The following KCNIP4 variants were observed in gnomAD, a reference collection of about 807,000 sequenced individuals.
KCNIP4 encodes potassium voltage-gated channel interacting protein 4.
KCNIP4 carries 12 observed loss-of-function variants against 34.0 expected under a neutral mutation model. The observed-to-expected ratio is 0.35, with a 90% CI of 0.23 to 0.57. The LOEUF is 0.57. Ranked by LOEUF, KCNIP4 falls within the 20% of genes least tolerant of loss-of-function variation. The pLI, the probability that KCNIP4 is intolerant of heterozygous loss-of-function variation, is 0.83. For synonymous variants in KCNIP4, 124 were observed against 102.2 expected, an observed-to-expected ratio of 1.21 and a Z score of -1.29; for missense variants, 238 against 311.7, an observed-to-expected ratio of 0.76 and a Z score of 1.78.
chr4:20,854,310 A>G (rs111624437), intron 2 of KCNIP4, among the ~76,000 whole-genome samples: 2 of 152,228 alleles, frequency 1.3e-5, no homozygotes, highest in African/African-American at 4.8e-5. Context: ...CTACTCAGCC[A>G]CAAAAAGGAA....
intron 1 of KCNIP4, among the ~76,000 whole-genome samples, chr4:20,948,164 G>T (rs1395964433): frequency 2.6e-5 from 4 of 152,120 alleles, no homozygotes; most frequent in African/African-American, 9.7e-5. Context: ...TCCAGATTTG[G>T]ACCTTATTCA....
intron 1 of KCNIP4, among the ~76,000 whole-genome samples, chr4:21,081,516 A>C (rs1746000841): frequency 6.6e-6 from 1 of 151,736 alleles, no homozygotes; most frequent in African/African-American, 2.4e-5. Flanking sequence ...AACGGCCCCA[A>C]ATTTTGTTAA....
intron 1 of KCNIP4, among the ~76,000 whole-genome samples, chr4:21,018,434 C>A (rs1362311071): frequency 6.6e-6 from 1 of 152,292 alleles, no homozygotes; most frequent in East Asian, 1.9e-4. Flanking sequence ...GAATCTGGGT[C>A]GTGGCTCCTG....
In KCNIP4 at chr4:21,675,544, T is replaced by C. The variant is rs569421031; in HGVS notation, c.61+273027A>G. On this transcript the variant is annotated intron_variant, in intron 1 of 8. Coordinates refer to ENST00000382152, the MANE Select transcript of KCNIP4 (RefSeq NM_025221.6). ...TTCACATTGCATGCCTGTATCAAAA[T>C]ATCTTATGTATCTTATAAATGTATA... Among the ~76,000 whole-genome samples the C allele has an allele frequency of 2.0e-4, 30 of 152,292 alleles. No individual in the cohort carries two copies. The South Asian group carries it at 6.2e-3, about 32-fold the overall frequency.
intron 1 of KCNIP4, among the ~76,000 whole-genome samples, chr4:21,059,797 CATTT>C (rs1247259676): frequency 6.6e-6 from 1 of 152,040 alleles, no homozygotes; most frequent in Non-Finnish European, 1.5e-5. Context: ...TCATTTCATT[CATTT>C]ATCACTTTAG....
chr4:20,803,482 A>C (rs1252072344), intron 3 of KCNIP4, among the ~76,000 whole-genome samples: 2 of 43,136 alleles, frequency 4.6e-5, no homozygotes, highest in South Asian at 1.9e-3. Context: ...AAAAAAAAAA[A>C]AAAAAAAAAA....
chr4:21,310,902 A>G (rs942071456), intron 1 of KCNIP4, among the ~76,000 whole-genome samples: 2 of 152,208 alleles, frequency 1.3e-5, no homozygotes, highest in African/African-American at 2.4e-5. Context: ...TGCTGGGATT[A>G]CAGGAGTGAG....
rs186741633 is a variant in KCNIP4 at position 21,333,712 on chromosome 4, G to A, written c.62-451003C>T. 1.1e-3 allele frequency among the ~76,000 whole-genome samples: 162 copies of A among 151,844 alleles called. 1 individual carries two copies. Among genetic ancestry groups the A allele is most frequent in the Non-Finnish European group, 2.7e-4 (18 of 67,904 alleles). On this transcript the variant is annotated intron_variant, in intron 1 of 8. Transcript: ENST00000382152. ...AATTAAAAAGAAAAAAAAAGTCCAT[G>A]GCAATACATACTGGCATTCTGTCTT... is the stretch of plus-strand genomic sequence containing the variant.
At chr4:20,810,523 AG>A (rs1715616621) in intron 3 of KCNIP4, among the ~76,000 whole-genome samples, 1 of 152,184 alleles carries the variant, frequency 6.6e-6, no homozygotes, top group African/African-American at 2.4e-5. Context: ...CTGTATGAAA[AG>A]ATGACTATAG....
Position 21,355,971 on chromosome 4 carries a change from A to G in KCNIP4, c.62-473262T>C, listed in dbSNP as rs146659383. Reference sequence around the variant, plus strand: ...TATCCACCATGATCAAGTGGGCTTCATCGCTGGGATGCATGACTGGTTCAA... The same window carrying G: ...TATCCACCATGATCAAGTGGGCTTCGTCGCTGGGATGCATGACTGGTTCAA... On this transcript the variant is annotated intron_variant, in intron 1 of 8. Transcript: ENST00000382152. 5.0e-3 allele frequency among the ~76,000 whole-genome samples: 769 copies of G among 152,312 alleles called. 5 individuals are homozygous for G. Among genetic ancestry groups the G allele is most frequent in the African/African-American group, 0.017 (719 of 41,568 alleles).
At position 21,299,325 on chromosome 4, in the gene KCNIP4, A is replaced by G. The variant is rs542196557; in HGVS notation, c.62-416616T>C. On this transcript the variant is annotated intron_variant, in intron 1 of 8. Coordinates refer to ENST00000382152, the MANE Select transcript of KCNIP4 (RefSeq NM_025221.6). ...TAAGTGAAGCTGTGATTAGAATCCA[A>G]GTTAAATAACTTTAGATCCTCTGAG... 1.4e-4 allele frequency among the ~76,000 whole-genome samples: 21 copies of G among 152,194 alleles called. No homozygotes were observed. In the South Asian group the frequency reaches 4.1e-3, roughly 30 times the overall value.
chr4:21,797,272 C>G (rs1274792392), intron 1 of KCNIP4, among the ~76,000 whole-genome samples: 1 of 152,148 alleles, frequency 6.6e-6, no homozygotes, highest in East Asian at 1.9e-4. Context: ...CACTGTGTGG[C>G]TAGGAGTACA....
chr4:20,740,912 G>C (rs1221240633), intron 5 of KCNIP4, among the ~76,000 whole-genome samples: 1 of 151,906 alleles, frequency 6.6e-6, no homozygotes, highest in Non-Finnish European at 1.5e-5. Flanking sequence ...AAAAAGCAGG[G>C]GTTGCAATCC....
chr4:21,314,957 C>A (rs1578066195), intron 1 of KCNIP4, among the ~76,000 whole-genome samples: 1 of 152,260 alleles, frequency 6.6e-6, no homozygotes, highest in East Asian at 1.9e-4. Flanking sequence ...TCTGCTCTGG[C>A]TATGTTTCCA....
chr4:21,176,406 T>C (rs2109309839), intron 1 of KCNIP4, among the ~76,000 whole-genome samples: 1 of 152,172 alleles, frequency 6.6e-6, no homozygotes, highest in South Asian at 2.1e-4. Flanking sequence ...ATAAATAAAA[T>C]AAATTGGGGC....
intron 1 of KCNIP4, among the ~76,000 whole-genome samples, chr4:21,297,039 CGT>C (rs1763880563): frequency 6.8e-6 from 1 of 147,552 alleles, no homozygotes; most frequent in Admixed American, 6.8e-5. Context: ...TGTGTGTGTG[CGT>C]GTGTTTGTGT....
chr4:20,982,538 T>C (rs1388141032), intron 1 of KCNIP4, among the ~76,000 whole-genome samples: 5 of 152,220 alleles, frequency 3.3e-5, no homozygotes, highest in Non-Finnish European at 7.3e-5. Context: ...TTAATCCCAT[T>C]ACAGTATTAT....
chr4:21,203,717 T>A (rs1335264086), intron 1 of KCNIP4, among the ~76,000 whole-genome samples: 1 of 152,178 alleles, frequency 6.6e-6, no homozygotes, highest in Non-Finnish European at 1.5e-5. Flanking sequence ...GAACCTTATA[T>A]CAGATACTAT....
chr4:21,322,432 G>C (rs1289902449), intron 1 of KCNIP4, among the ~76,000 whole-genome samples: 1 of 152,090 alleles, frequency 6.6e-6, no homozygotes, highest in Admixed American at 6.6e-5. Context: ...CAGGCTACCT[G>C]CCAACTTTTG....
Sources: gnomAD v4.1 joint callset for allele counts (sites outside exome capture counted in the v4.1 genomes callset) on GRCh38, gnomAD v4.1.1 for gene constraint, MANE v1.5 for transcripts, NCBI Gene and HGNC (gene_info 2026-07-23, HGNC 2026-07-21) for gene names.